FKTN: variants seen among roughly 807,000 people sequenced by gnomAD.
The protein encoded by FKTN is fukutin, also known as ribitol-5-phosphate transferase FKTN.
Under a neutral mutation model 58.6 loss-of-function variants are expected in FKTN, and 47 were observed. The observed-to-expected ratio is 0.80, with a 90% CI of 0.63 to 1.02. The LOEUF (loss-of-function observed/expected upper bound fraction) is 1.02. FKTN is among the 50% of genes least tolerant of loss of function. The pLI, the probability that FKTN is intolerant of heterozygous loss-of-function variation, is 0.00. For missense variants in FKTN, 516 were observed against 537.3 expected, an observed-to-expected ratio of 0.96 and a Z score of 0.39; for synonymous variants, 178 against 191.9, an observed-to-expected ratio of 0.93 and a Z score of 0.60.
intron 1 of FKTN, among the ~76,000 whole-genome samples, chr9:105,559,925 C>T (rs752812232): frequency 6.6e-6 from 1 of 151,966 alleles, no homozygotes; most frequent in Non-Finnish European, 1.5e-5. Context: ...ATGTGGATCT[C>T]AGAGCTAAGA....
intron 1 of FKTN, among the ~76,000 whole-genome samples, chr9:105,559,185 G>A (rs1306173493): frequency 6.6e-6 from 1 of 152,210 alleles, no homozygotes; most frequent in Non-Finnish European, 1.5e-5. Context: ...GGAATAAAGT[G>A]ATTTAGATCG....
chr9:105,587,362 A>T (rs890961612), intron 3 of FKTN, among the ~76,000 whole-genome samples: 1 of 152,220 alleles, frequency 6.6e-6, no homozygotes, highest in African/African-American at 2.4e-5. Flanking sequence ...AGTCATTCAC[A>T]GTGAGCAATT....
chr9:105,630,363 C>A (rs1833263086), intron 10 of FKTN, among the ~76,000 whole-genome samples: 1 of 151,916 alleles, frequency 6.6e-6, no homozygotes, highest in Non-Finnish European at 1.5e-5. Context: ...AAATAAATAC[C>A]AAAATCAACT....
At chr9:105,581,157 T>G (rs1364746160) in intron 3 of FKTN, among the ~76,000 whole-genome samples, 5 of 149,854 alleles carry the variant, frequency 3.3e-5, no homozygotes, top group Admixed American at 2.7e-4. Context: ...GAAGCCTTCT[T>G]CTCTCAGCTC....
chr9:105,625,851 A>C (rs1341200986), intron 10 of FKTN, among the ~76,000 whole-genome samples: 1 of 151,806 alleles, frequency 6.6e-6, no homozygotes, highest in Non-Finnish European at 1.5e-5. Context: ...AAAAAAAAGT[A>C]TTTGTCAGCA....
At chr9:105,575,829 C>T (rs752758410) in intron 3 of FKTN, among the ~76,000 whole-genome samples, 22 of 152,142 alleles carry the variant, frequency 1.4e-4, no homozygotes, top group African/African-American at 4.8e-4. Flanking sequence ...AATCACTTTG[C>T]GCCCCTCCTC....
Position 105,636,471 on chromosome 9 carries a change from T to C in FKTN, c.*1207T>C. The C allele has an allele frequency of 2.0e-6, 2 of 993,810 alleles. No individual in the cohort carries two copies. The highest frequency in any genetic ancestry group is 2.4e-6 in the Non-Finnish European group (2 of 834,244). The allele number at this position is 993,810 out of a possible 1,614,324, so 61.6% of individuals were successfully genotyped here. A position where few individuals can be genotyped will look rare whatever the true frequency, so the allele number is the denominator to read the frequency against. On this transcript the variant is annotated 3_prime_UTR_variant, in exon 11 of 11. Coordinates refer to ENST00000357998, the MANE Select transcript of FKTN (RefSeq NM_001079802.2). ...AGTTTTTCAGTCTGTTGAATGTCGA[T>C]GGGGCAAGAACTCAGACTTCTACTT...
In FKTN at chr9:105,635,419, A is replaced by G; in HGVS notation, c.*155A>G. 2 of 1,475,278 alleles carry G rather than the reference A, an allele frequency of 1.4e-6. No individual in the cohort carries two copies. Among genetic ancestry groups the G allele is most frequent in the Non-Finnish European group, 1.8e-6 (2 of 1,120,008 alleles). The allele number at this position is 1,475,278 out of a possible 1,614,324, so 91.4% of individuals were successfully genotyped here. Reference sequence around the variant, plus strand: ...AAGAGTCATCTGATGTAATTCTCTCACTTAGTACTGAGGAATTTTCATGTG... The same window carrying G: ...AAGAGTCATCTGATGTAATTCTCTCGCTTAGTACTGAGGAATTTTCATGTG... On this transcript the variant is annotated 3_prime_UTR_variant, in exon 11 of 11. Transcript: ENST00000357998.
In FKTN at chr9:105,596,593, C is replaced by A. The variant is rs1338220455; in HGVS notation, c.106-5C>A. On this transcript the variant is annotated splice_region_variant and splice_polypyrimidine_tract_variant and intron_variant, in intron 3 of 10. Transcript: ENST00000357998. ...TACTAAAAAGTTCTTTTGTTGTCTT[C>A]CTAGAATGGAGCTGGTTTGTCAAAA... 6.2e-7 allele frequency: 1 copy of A among 1,609,638 alleles called. No homozygotes were observed. Among genetic ancestry groups the A allele is most frequent in the Admixed American group, 1.7e-5 (1 of 60,004 alleles).
intron 1 of FKTN, among the ~76,000 whole-genome samples, chr9:105,571,684 C>T (rs1840758942): frequency 6.6e-6 from 1 of 152,084 alleles, no homozygotes; most frequent in African/African-American, 2.4e-5. Context: ...TTAGATTTCA[C>T]TAGGAATCAG....
chr9:105,601,106 G>C, intron 4 of FKTN, 39 bp from the exon 5 acceptor site: 1 of 1,156,486 alleles, frequency 8.6e-7, no homozygotes, highest in South Asian at 1.3e-5. Flanking sequence ...TGTTGTGTTG[G>C]CTTACTGGAA....
intron 8 of FKTN, among the ~76,000 whole-genome samples, chr9:105,616,485 G>A (rs545363582): frequency 6.6e-6 from 1 of 152,084 alleles, no homozygotes; most frequent in Admixed American, 6.5e-5. Context: ...CCTTAAGCAG[G>A]TTGCTATTAG....
intron 3 of FKTN, among the ~76,000 whole-genome samples, chr9:105,584,806 G>C (rs1025876996): frequency 2.0e-5 from 3 of 152,090 alleles, no homozygotes; most frequent in Admixed American, 2.0e-4. Context: ...GGGTGACGGG[G>C]AGATCGTGTC....
rs532221375 is a variant in FKTN at position 105,592,954 on chromosome 9, A to G, written c.106-3644A>G. On this transcript the variant is annotated intron_variant, in intron 3 of 10. Coordinates refer to ENST00000357998, the MANE Select transcript of FKTN (RefSeq NM_001079802.2). ...CAAACTTTCCCTTTGCCTATTACCCAGTTCCAAAGTTACTTCCACATTTTC... is the reference window on the plus strand; with the variant it reads ...CAAACTTTCCCTTTGCCTATTACCCGGTTCCAAAGTTACTTCCACATTTTC... Among the ~76,000 whole-genome samples the G allele has an allele frequency of 1.1e-4, 17 of 152,294 alleles. No individual in the cohort carries two copies. The South Asian group carries it at 3.5e-3, about 32-fold the overall frequency.
Position 105,638,901 on chromosome 9 carries a change from AC to A in FKTN, c.*3638del. On this transcript the variant is annotated 3_prime_UTR_variant, in exon 11 of 11. Coordinates refer to ENST00000357998, the MANE Select transcript of FKTN (RefSeq NM_001079802.2). ...ATGGCACATAGATAGGCAGGATATT[AC>A]ATAGGTAAGCAGGAATTTATACATT... 2 of 985,292 alleles carry A rather than the reference AC, an allele frequency of 2.0e-6. No homozygotes were observed. Among genetic ancestry groups the A allele is most frequent in the Non-Finnish European group, 2.4e-6 (2 of 829,828 alleles). 61.0% of individuals were successfully genotyped at this position (985,292 alleles called of 1,614,324 possible).
chr9:105,627,636 C>T (rs1832898484), intron 10 of FKTN, among the ~76,000 whole-genome samples: 1 of 152,182 alleles, frequency 6.6e-6, no homozygotes, highest in Non-Finnish European at 1.5e-5. Context: ...TCATACATCA[C>T]TGCATGTCCC....
chr9:105,612,486 C>T (rs1236774221), intron 7 of FKTN, among the ~76,000 whole-genome samples: 1 of 119,470 alleles, frequency 8.4e-6, no homozygotes, highest in African/African-American at 3.4e-5. Context: ...ATGGTATTGC[C>T]TGGGTTATCT....
In FKTN at chr9:105,591,433, G is replaced by A. The variant is rs139873900; in HGVS notation, c.106-5165G>A. Among the ~76,000 whole-genome samples the A allele has an allele frequency of 9.1e-3, 1,380 of 152,282 alleles. 22 individuals carry two copies. The highest frequency in any genetic ancestry group is 0.032 in the African/African-American group (1,322 of 41,538). On this transcript the variant is annotated intron_variant, in intron 3 of 10. Coordinates refer to ENST00000357998, the MANE Select transcript of FKTN (RefSeq NM_001079802.2). Reference sequence around the variant, plus strand: ...GGGAGAAATTGGCCAAAAGAAAGGGGCTACAGGCCCCATGCAAGCCCCAAA... The same window carrying A: ...GGGAGAAATTGGCCAAAAGAAAGGGACTACAGGCCCCATGCAAGCCCCAAA...
At position 105,582,197 on chromosome 9, in the gene FKTN, C is replaced by T. The variant is rs565777726; in HGVS notation, c.105+7060C>T. Among the ~76,000 whole-genome samples the T allele has an allele frequency of 6.6e-5, 10 of 152,034 alleles. No homozygotes were observed. In the East Asian group the frequency reaches 1.9e-3, roughly 29 times the overall value. On this transcript the variant is annotated intron_variant, in intron 3 of 10. Coordinates refer to ENST00000357998, the MANE Select transcript of FKTN (RefSeq NM_001079802.2). Reference sequence around the variant, plus strand: ...CGGCCATCTTGGCTCCTACCCGAAACTTTTCTTTTTTTAAGAGAGGATCTC... The same window carrying T: ...CGGCCATCTTGGCTCCTACCCGAAATTTTTCTTTTTTTAAGAGAGGATCTC...
Sources: allele counts gnomAD v4.1 joint callset (sites outside exome capture counted in the v4.1 genomes callset), GRCh38; gene constraint gnomAD v4.1.1; transcripts MANE v1.5; gene names NCBI Gene and HGNC (gene_info 2026-07-23, HGNC 2026-07-21).